Variants in CLSTN2 observed in about 807,000 individuals in gnomAD.
CLSTN2 encodes the protein calsyntenin-2.
CLSTN2 carries 48 observed loss-of-function variants against 101.2 expected under a neutral mutation model. That is an observed-to-expected ratio of 0.47 (90% CI 0.38 to 0.60). The LOEUF is 0.60. Among genes scored for constraint, CLSTN2 ranks in the 20% least tolerant of loss-of-function variants. CLSTN2 has a pLI of 0.00. For synonymous variants in CLSTN2, 481 were observed against 463.6 expected (o/e 1.04, Z -0.48); for missense variants, 1,160 against 1,238.2 (o/e 0.94, Z 0.95).
chr3:140,486,846 G>C (rs1230900949), intron 8 of CLSTN2, among the ~76,000 whole-genome samples: 1 of 152,230 alleles, frequency 6.6e-6, no homozygotes, highest in Non-Finnish European at 1.5e-5. Context: ...CACATGTCCA[G>C]AGTTGCTTAT....
intron 2 of CLSTN2, among the ~76,000 whole-genome samples, chr3:140,196,892 C>T (rs2010650277): frequency 6.6e-6 from 1 of 152,136 alleles, no homozygotes; most frequent in African/African-American, 2.4e-5. Context: ...TTTTCTGTCC[C>T]CAAATCTTGA....
intron 5 of CLSTN2, among the ~76,000 whole-genome samples, chr3:140,433,531 A>C (rs1423151831): frequency 6.6e-6 from 1 of 152,188 alleles, no homozygotes; most frequent in Non-Finnish European, 1.5e-5. Context: ...AGCAGGCCAG[A>C]ATGTCTCCCT....
chr3:140,075,308 C>A (rs1182907091), intron 1 of CLSTN2, among the ~76,000 whole-genome samples: 1 of 152,088 alleles, frequency 6.6e-6, no homozygotes, highest in East Asian at 1.9e-4. Flanking sequence ...TCACTTAAGT[C>A]TCTGCATTTT....
intron 2 of CLSTN2, among the ~76,000 whole-genome samples, chr3:140,310,100 CT>C (rs1391859498): frequency 6.6e-6 from 1 of 152,116 alleles, no homozygotes; most frequent in African/African-American, 2.4e-5. Context: ...TTAATTTGCC[CT>C]TTCTCCTCTA....
intron 1 of CLSTN2, among the ~76,000 whole-genome samples, chr3:139,945,497 G>A (rs1043031069): frequency 4.6e-5 from 7 of 152,168 alleles, no homozygotes; most frequent in Admixed American, 4.6e-4. Context: ...TATTAATTTA[G>A]TTAATTATAT....
chr3:140,396,418 AG>A (rs1176874877), intron 2 of CLSTN2, among the ~76,000 whole-genome samples: 1 of 152,188 alleles, frequency 6.6e-6, no homozygotes, highest in African/African-American at 2.4e-5. Context: ...GTTCTTAAAC[AG>A]GAACAGGGAG....
intron 4 of CLSTN2, among the ~76,000 whole-genome samples, chr3:140,418,960 C>T (rs899075010): frequency 6.6e-6 from 1 of 152,030 alleles, no homozygotes; most frequent in African/African-American, 2.4e-5. Context: ...CATAGATTCA[C>T]ATGTGCAGCA....
intron 1 of CLSTN2, among the ~76,000 whole-genome samples, chr3:139,950,136 G>T (rs2107809992): frequency 6.6e-6 from 1 of 152,286 alleles, no homozygotes; most frequent in Non-Finnish European, 1.5e-5. Context: ...GAACAAACGG[G>T]AGTCTCTCTG....
At chr3:140,346,438 C>T (rs548248423) in intron 2 of CLSTN2, among the ~76,000 whole-genome samples, 17 of 152,288 alleles carry the variant, frequency 1.1e-4, no homozygotes, top group African/African-American at 4.1e-4. Context: ...TCCCTTTCAA[C>T]CCACTCCGTG....
At chr3:140,468,199 T>C (rs1344537074) in intron 8 of CLSTN2, among the ~76,000 whole-genome samples, 1 of 152,264 alleles carries the variant, frequency 6.6e-6, no homozygotes, top group Non-Finnish European at 1.5e-5. Flanking sequence ...AGCTATGTCC[T>C]AAAGTGCCAT....
At chr3:140,020,611 G>A (rs1461671865) in intron 1 of CLSTN2, among the ~76,000 whole-genome samples, 1 of 152,158 alleles carries the variant, frequency 6.6e-6, no homozygotes, top group South Asian at 2.1e-4. Context: ...ATTGTGCCCT[G>A]TCCTGGGATG....
At chr3:140,158,945 A>C (rs2010002510) in intron 1 of CLSTN2, among the ~76,000 whole-genome samples, 1 of 152,200 alleles carries the variant, frequency 6.6e-6, no homozygotes, top group South Asian at 2.1e-4. Flanking sequence ...CACCCTATTC[A>C]ATAAATGATG....
At chr3:140,367,350 T>C (rs2087802683) in intron 2 of CLSTN2, among the ~76,000 whole-genome samples, 1 of 151,842 alleles carries the variant, frequency 6.6e-6, no homozygotes, top group Non-Finnish European at 1.5e-5. Context: ...TCGTCTCTAC[T>C]AAAAATACGA....
At chr3:140,391,738 C>T (rs1179795637) in intron 2 of CLSTN2, among the ~76,000 whole-genome samples, 1 of 151,950 alleles carries the variant, frequency 6.6e-6, no homozygotes, top group East Asian at 1.9e-4. Flanking sequence ...AAAAGACTTC[C>T]ACCTTAGCTG....
At chr3:140,182,237 G>A (rs919401980) in intron 2 of CLSTN2, among the ~76,000 whole-genome samples, 1 of 152,122 alleles carries the variant, frequency 6.6e-6, no homozygotes, top group African/African-American at 2.4e-5. Flanking sequence ...GGCAAGGATT[G>A]CTGGCTTTTC....
At chr3:140,179,689 A>AT (rs1328635209) in intron 2 of CLSTN2, among the ~76,000 whole-genome samples, 1 of 133,602 alleles carries the variant, frequency 7.5e-6, no homozygotes, top group Non-Finnish European at 1.6e-5. Context: ...ACTATACCTT[A>AT]TTTTTTCACA....
In CLSTN2 at chr3:140,204,595, G is replaced by A. The variant is rs558926065; in HGVS notation, c.232+28522G>A. Among the ~76,000 whole-genome samples the A allele has an allele frequency of 9.2e-5, 14 of 152,052 alleles. No individual in the cohort carries two copies. In the South Asian group the frequency reaches 2.9e-3, roughly 32 times the overall value. On this transcript the variant is annotated intron_variant, in intron 2 of 16. Coordinates refer to ENST00000458420, the MANE Select transcript of CLSTN2 (RefSeq NM_022131.3). ...TGGATTAGTTGATTGTAAAAGAAAG[G>A]CTTTACTGTCAAGGACAAAACTTGG... is the stretch of plus-strand genomic sequence containing the variant.
At chr3:140,427,191 A>ATATATATATGTGTGTGTGTG (rs2088576985) in intron 5 of CLSTN2, among the ~76,000 whole-genome samples, 2 of 71,836 alleles carry the variant, frequency 2.8e-5, no homozygotes, top group African/African-American at 1.4e-4. Flanking sequence ...AAAAATATAT[A>ATATATATATGTGTGTGTGTG]TATATATATA....
intron 2 of CLSTN2, among the ~76,000 whole-genome samples, chr3:140,330,796 C>CCTGGA (rs1392589929): frequency 5.3e-5 from 8 of 152,290 alleles, no homozygotes; most frequent in African/African-American, 1.9e-4. Flanking sequence ...GCACATCTAA[C>CCTGGA]CTGGACTTGC....
Sources: gnomAD v4.1 joint callset for allele counts (sites outside exome capture counted in the v4.1 genomes callset) on GRCh38, gnomAD v4.1.1 for gene constraint, MANE v1.5 for transcripts, NCBI Gene and HGNC (gene_info 2026-07-23, HGNC 2026-07-21) for gene names.